SLC6A12: variants seen among roughly 807,000 people sequenced by gnomAD.
SLC6A12 encodes solute carrier family 6 member 12, also known as sodium- and chloride-dependent betaine transporter.
Under a neutral mutation model 73.3 loss-of-function variants are expected in SLC6A12, and 50 were observed. The observed-to-expected ratio is 0.68, with a 90% CI of 0.54 to 0.86. The LOEUF (loss-of-function observed/expected upper bound fraction) is 0.86, where lower values mean the gene tolerates loss of function less well. SLC6A12 is among the 40% of genes least tolerant of loss of function. SLC6A12 has a pLI of 0.00. For missense variants in SLC6A12, 648 were observed against 772.8 expected (o/e 0.84, Z 1.92); for synonymous variants, 304 against 309.2 (o/e 0.98, Z 0.18).
intron 6 of SLC6A12, 37 bp from the exon 7 acceptor site, chr12:200,820 G>T (rs1940220111): frequency 6.3e-7 from 1 of 1,599,066 alleles, no homozygotes. Flanking sequence ...GAGGGGAAAG[G>T]CTAAAGGGGA....
intron 3 of SLC6A12, among the ~76,000 whole-genome samples, chr12:209,283 G>A (rs879491032): frequency 6.6e-6 from 1 of 152,084 alleles, no homozygotes; most frequent in Non-Finnish European, 1.5e-5. Flanking sequence ...CCTGCGTCAC[G>A]TCTCACCCCT....
In SLC6A12 at chr12:202,817, G is replaced by C. The variant is rs1282516995; in HGVS notation, c.413C>G (p.Ala138Gly). The C allele has an allele frequency of 6.2e-7, 1 of 1,613,932 alleles. No individual in the cohort carries two copies. Among genetic ancestry groups the C allele is most frequent in the Non-Finnish European group, 8.5e-7 (1 of 1,179,832 alleles). The change falls in exon 5 of 16, where the codon GCC becomes GGC. Residue 138 changes from alanine to glycine, a missense_variant. Transcript: ENST00000684302. Reference protein sequence around the residue: ...YLNVYYIIILAWALFYLFSSF... With the variant: ...YLNVYYIIILGWALFYLFSSF... ...GCTGAACAGGTAGAAGAGAGCCCAG[G>C]CAAGGATGATGATGTAGTAGACATT...
In SLC6A12 at chr12:196,706, C is replaced by T. The variant is rs536689526; in HGVS notation, c.1188+64G>A. ...AGTGGGAGTGAGGGGAAAGTAGTCC[C>T]AGGACAAGCAAAGGCTTGCAAGAGG... On this transcript the variant is annotated intron_variant, in intron 11 of 15. Transcript: ENST00000684302. The T allele has an allele frequency of 3.6e-5, 42 of 1,171,792 alleles. No individual in the cohort carries two copies. The Middle Eastern group carries it at 1.3e-3, about 38-fold the overall frequency. The allele number at this position is 1,171,792 out of a possible 1,614,324, so 72.6% of individuals were successfully genotyped here.
At chr12:203,161 G>A in intron 4 of SLC6A12, 1 of 218,070 alleles carries the variant, frequency 4.6e-6, no homozygotes, top group Non-Finnish European at 8.6e-6. Context: ...CCACTTCCCG[G>A]GTTCAAGCGA....
chr12:197,973 A>G lies in SLC6A12; in HGVS notation c.877T>C (p.Phe293Leu), dbSNP rs1940009072. 6.2e-7 allele frequency: 1 copy of G among 1,613,818 alleles called. No individual in the cohort carries two copies. Among genetic ancestry groups the G allele is most frequent in the Non-Finnish European group, 8.5e-7 (1 of 1,179,922 alleles). Reference protein sequence around the residue: ...VWMDAGTQIFFSFAICQGCLT... With the variant: ...VWMDAGTQIFLSFAICQGCLT... ...CACCCCTGGCAGATGGCAAAGGAGA[A>G]GAAGATCTGGGTGCCCGCATCCATC... The change falls in exon 9 of 16, where the codon TTC becomes CTC. Residue 293 changes from phenylalanine to leucine, a missense_variant. Transcript: ENST00000684302.
Position 198,592 on chromosome 12 carries a change from A to T in SLC6A12, c.846+205T>A. The T allele has an allele frequency of 1.9e-6, 1 of 526,350 alleles. No individual in the cohort carries two copies. The highest frequency in any genetic ancestry group is 3.2e-6 in the Non-Finnish European group (1 of 310,668). 32.6% of individuals were successfully genotyped at this position (526,350 alleles called of 1,614,324 possible). ...CTAAGTAAGAGAAAAAAAATTTTTT[A>T]AGAAAAAAAGTTATATTTGAGTGGT... On this transcript the variant is annotated intron_variant, in intron 8 of 15. Transcript: ENST00000684302. This position sits in a 1 kb window ranked among gnomAD's most constrained non-coding sequence, Gnocchi z 4.0.
At chr12:208,572 C>CA (rs1004302284) in intron 3 of SLC6A12, among the ~76,000 whole-genome samples, 22 of 151,310 alleles carry the variant, frequency 1.5e-4, no homozygotes, top group East Asian at 3.9e-4. Context: ...TTCAAAAGGC[C>CA]AAAAAAAATG....
chr12:200,794 G>A lies in SLC6A12; in HGVS notation c.579-11C>T, dbSNP rs761788601. 6.8e-6 allele frequency: 11 copies of A among 1,611,358 alleles called. No homozygotes were observed. The East Asian group carries it at 2.5e-4, about 36-fold the overall frequency. On this transcript the variant is annotated splice_polypyrimidine_tract_variant and intron_variant, in intron 6 of 15. Coordinates refer to ENST00000684302, the MANE Select transcript of SLC6A12 (RefSeq NM_001122848.3). ...CCCAGAACTCGTCTCCTGGAGGATT[G>A]GGAAAAATAAGTAATGAGGGGAAAG...
chr12:202,994 C>A (rs1488993638), intron 4 of SLC6A12, 114 bp from the exon 5 acceptor site: 3 of 778,192 alleles, frequency 3.9e-6, no homozygotes, highest in African/African-American at 3.5e-5. Flanking sequence ...ACAAAGAGCA[C>A]CATTGGGGTT....
chr12:200,237 T>C (rs1043254768), intron 7 of SLC6A12, among the ~76,000 whole-genome samples: 2 of 149,982 alleles, frequency 1.3e-5, no homozygotes, highest in Non-Finnish European at 3.0e-5. Flanking sequence ...GCCTCCTGCA[T>C]AGCTGGGACT....
At chr12:187,620 A>T (rs1168306536), downstream of SLC6A12, among the ~76,000 whole-genome samples, 1 of 34,986 alleles carries the variant, frequency 2.9e-5, no homozygotes, top group Non-Finnish European at 7.9e-5. Context: ...AAAAAAAAAA[A>T]AAAAAAAAAA....
At chr12:199,513 C>T (rs564283143) in intron 7 of SLC6A12, among the ~76,000 whole-genome samples, 2 of 151,360 alleles carry the variant, frequency 1.3e-5, no homozygotes, top group East Asian at 3.9e-4. Flanking sequence ...GAGCTCCGGG[C>T]TGTTCTTCTC....
At position 190,687 on chromosome 12, in the gene SLC6A12, A is replaced by G. The variant is rs971985763; in HGVS notation, c.*381T>C. 4 of 159,864 alleles carry G rather than the reference A, an allele frequency of 2.5e-5. No individual in the cohort carries two copies. Among genetic ancestry groups the G allele is most frequent in the Admixed American group, 6.5e-5 (1 of 15,450 alleles). The allele number at this position is 159,864 out of a possible 1,614,324, so 9.9% of individuals were successfully genotyped here. ...ACATTGGACGGCAGTGTGCGTTCCA[A>G]TTATAGCTCCTCTCCCCGTGTACAA... On this transcript the variant is annotated 3_prime_UTR_variant, in exon 16 of 16. Transcript: ENST00000684302.
Position 192,529 on chromosome 12 carries a change from GAC to G in SLC6A12, c.1648_1649del (p.Val550ProfsTer26), listed in dbSNP as rs1176496483. On this transcript the variant is annotated frameshift_variant, in exon 15 of 16. Transcript: ENST00000684302. LOFTEE classifies it high-confidence loss of function. ...WFLALSSMVC[V>X]PLFVVITLLK... ...GGAGGGTGATGACGACGAAGAGTGG[GAC>G]ACAGACCATGGAGGACAGAGCCAGG... The G allele has an allele frequency of 1.2e-6, 2 of 1,613,992 alleles. No homozygotes were observed. The highest frequency in any genetic ancestry group is 1.7e-6 in the Non-Finnish European group (2 of 1,180,032).
At chr12:201,052 GAGCGTTTAGAGAGTAGATATT>G in intron 6 of SLC6A12, among the ~76,000 whole-genome samples, 1 of 152,198 alleles carries the variant, frequency 6.6e-6, no homozygotes, top group Admixed American at 6.5e-5. Flanking sequence ...ATGTATAAAT[GAGCGTTTAGAGAGTAGATATT>G]TATACATGCA....
At chr12:201,589 G>A (rs902668700) in intron 6 of SLC6A12, 173 bp downstream of exon 6, 11 of 614,874 alleles carry the variant, frequency 1.8e-5, no homozygotes, top group African/African-American at 5.5e-5. Flanking sequence ...CGTGTGGGTA[G>A]ATGTGAGAGC....
downstream of SLC6A12, among the ~76,000 whole-genome samples, chr12:186,175 G>A (rs1017977030): frequency 6.6e-6 from 1 of 152,068 alleles, no homozygotes; most frequent in Admixed American, 6.5e-5. Context: ...GAGGGGCCAC[G>A]CCTGACTCTC....
intron 11 of SLC6A12, 32 bp from the exon 12 acceptor site, chr12:196,293 G>C (rs1198065082): frequency 6.3e-7 from 1 of 1,595,670 alleles, no homozygotes; most frequent in Non-Finnish European, 8.5e-7. Flanking sequence ...GGATGAGAGG[G>C]TGTGGGGCGG....
At chr12:204,333 G>A in intron 4 of SLC6A12, 1 of 527,620 alleles carries the variant, frequency 1.9e-6, no homozygotes, top group Non-Finnish European at 3.4e-6. Flanking sequence ...GCACCAAACT[G>A]GCCTCCCCCA....
Sources: gnomAD v4.1 joint callset for allele counts (sites outside exome capture counted in the v4.1 genomes callset) on GRCh38, gnomAD v4.1.1 for gene constraint, Gnocchi (gnomAD v3.1) non-coding constraint, MANE v1.5 for transcripts, NCBI Gene and HGNC (gene_info 2026-07-23, HGNC 2026-07-21) for gene names.